DGKB: variants seen among roughly 807,000 people sequenced by gnomAD.
DGKB encodes 90 kDa diacylglycerol kinase.
In DGKB, 67 loss-of-function variants were observed where a neutral mutation model predicts 114.3. That is an observed-to-expected ratio of 0.59 (90% CI 0.48 to 0.72). DGKB has a LOEUF of 0.72. Among genes scored for constraint, DGKB ranks in the 30% least tolerant of loss-of-function variants. DGKB has a pLI of 0.00. For synonymous variants in DGKB, 398 were observed against 323.1 expected (o/e 1.23, Z -2.49); for missense variants, 907 against 975.2 (o/e 0.93, Z 0.93).
intron 20 of DGKB, among the ~76,000 whole-genome samples, chr7:14,528,593 T>C (rs1791026104): frequency 6.6e-6 from 1 of 152,066 alleles, no homozygotes; most frequent in Admixed American, 6.6e-5. Context: ...AATGTATTTG[T>C]ATTGTCGTAC....
At chr7:14,613,576 CGTGTGTA>C (rs1563680489) in intron 15 of DGKB, among the ~76,000 whole-genome samples, 163 bp from the exon 16 acceptor site, 167 of 82,646 alleles carry the variant, frequency 2.0e-3, no homozygotes, top group Middle Eastern at 7.7e-3. Flanking sequence ...CGTGTGTGTG[CGTGTGTA>C]TGTGTGTGTG....
intron 20 of DGKB, among the ~76,000 whole-genome samples, chr7:14,530,822 C>T (rs567620929): frequency 1.2e-4 from 18 of 151,592 alleles, no homozygotes; most frequent in Middle Eastern, 6.8e-3. Flanking sequence ...TTCTATAAGA[C>T]AAAGATGCTA....
At chr7:14,478,714 C>T (rs1782562261) in intron 20 of DGKB, among the ~76,000 whole-genome samples, 1 of 151,602 alleles carries the variant, frequency 6.6e-6, no homozygotes, top group Non-Finnish European at 1.5e-5. Flanking sequence ...AAGTGCAATA[C>T]TTGACTTCAG....
At chr7:14,522,045 C>T (rs1412877376) in intron 20 of DGKB, among the ~76,000 whole-genome samples, 4 of 152,046 alleles carry the variant, frequency 2.6e-5, no homozygotes, top group African/African-American at 9.7e-5. Flanking sequence ...GCTTTGCGTC[C>T]TAAGGGTGTG....
intron 21 of DGKB, among the ~76,000 whole-genome samples, chr7:14,347,598 T>C (rs1007851141): frequency 3.4e-4 from 51 of 151,762 alleles, no homozygotes; most frequent in African/African-American, 1.2e-3. Flanking sequence ...AGTACAACTG[T>C]GGTTATCAGG....
intron 20 of DGKB, among the ~76,000 whole-genome samples, chr7:14,517,706 A>G (rs1016051724): frequency 1.3e-5 from 2 of 152,182 alleles, no homozygotes; most frequent in African/African-American, 4.8e-5. Flanking sequence ...AGCATATAAA[A>G]AAGGCCCAAA....
intron 2 of DGKB, among the ~76,000 whole-genome samples, chr7:14,806,659 A>C (rs1842823640): frequency 6.6e-6 from 1 of 152,050 alleles, no homozygotes; most frequent in African/African-American, 2.4e-5. Context: ...ATTTTTCTGT[A>C]GTACCTTGTA....
intron 2 of DGKB, among the ~76,000 whole-genome samples, chr7:14,807,399 G>C (rs979357073): frequency 1.3e-5 from 2 of 152,000 alleles, no homozygotes; most frequent in East Asian, 1.9e-4. Context: ...TATTACTGTA[G>C]TTATTAAGTA....
intron 23 of DGKB, among the ~76,000 whole-genome samples, chr7:14,196,924 A>G (rs1011860753): frequency 6.6e-6 from 1 of 152,142 alleles, no homozygotes; most frequent in African/African-American, 2.4e-5. Flanking sequence ...AAGGAACTGC[A>G]CTAACACTAA....
At chr7:14,482,937 T>C (rs1481472505) in intron 20 of DGKB, among the ~76,000 whole-genome samples, 1 of 152,190 alleles carries the variant, frequency 6.6e-6, no homozygotes, top group Non-Finnish European at 1.5e-5. Flanking sequence ...GTTTTCTTCT[T>C]TATGCTGCAG....
intron 23 of DGKB, among the ~76,000 whole-genome samples, chr7:14,183,029 A>G (rs1380923414): frequency 6.6e-6 from 1 of 152,126 alleles, no homozygotes; most frequent in Non-Finnish European, 1.5e-5. Flanking sequence ...AGCATTTTGA[A>G]ATCAACATAA....
At chr7:14,648,208 A>G (rs922017373) in intron 13 of DGKB, among the ~76,000 whole-genome samples, 1 of 152,196 alleles carries the variant, frequency 6.6e-6, no homozygotes, top group African/African-American at 2.4e-5. Flanking sequence ...AGACAAACAA[A>G]AAGACAGCAG....
intron 21 of DGKB, among the ~76,000 whole-genome samples, chr7:14,376,744 T>C (rs1309817848): frequency 6.6e-6 from 1 of 152,172 alleles, no homozygotes; most frequent in Admixed American, 6.5e-5. Flanking sequence ...GAGAAGCCAT[T>C]TTATGAACAC....
chr7:14,944,593 C>T (rs1785759794), intron 1 of DGKB, among the ~76,000 whole-genome samples: 1 of 151,720 alleles, frequency 6.6e-6, no homozygotes, highest in Non-Finnish European at 1.5e-5. Flanking sequence ...CTGGAAATTT[C>T]ATCCCAGTGA....
At chr7:14,622,257 C>G (rs1282792321) in intron 14 of DGKB, among the ~76,000 whole-genome samples, 1 of 152,090 alleles carries the variant, frequency 6.6e-6, no homozygotes, top group Non-Finnish European at 1.5e-5. Flanking sequence ...ACTTCTTTCT[C>G]TGAGCTCTCT....
At chr7:14,678,114 A>G (rs60544805) in intron 12 of DGKB, among the ~76,000 whole-genome samples, 320 of 152,214 alleles carry the variant, frequency 2.1e-3, no homozygotes, top group African/African-American at 6.8e-3. Flanking sequence ...GAAATTTAAT[A>G]TTCTACTGTA....
At chr7:14,323,071 A>C (rs1345883674) in intron 23 of DGKB, among the ~76,000 whole-genome samples, 4 of 152,128 alleles carry the variant, frequency 2.6e-5, no homozygotes, top group Non-Finnish European at 5.9e-5. Context: ...AAAAATATAT[A>C]ATCTTCAATG....
chr7:14,747,775 G>GCGCGCGCGCGCGCGCGCACACACCCA, intron 4 of DGKB, among the ~76,000 whole-genome samples: 2 of 149,178 alleles, frequency 1.3e-5, no homozygotes, highest in African/African-American at 5.1e-5. Context: ...ACATCCACGC[G>GCGCGCGCGCGCGCGCGCACACACCCA]CACGCACACA....
At chr7:14,901,447 G>A (rs1317284033) in intron 1 of DGKB, among the ~76,000 whole-genome samples, 7 of 152,154 alleles carry the variant, frequency 4.6e-5, no homozygotes, top group East Asian at 1.9e-4. Flanking sequence ...GCCTATGGAC[G>A]TATCCAGATT....
Sources: allele counts gnomAD v4.1 joint callset (sites outside exome capture counted in the v4.1 genomes callset), GRCh38; gene constraint gnomAD v4.1.1; transcripts MANE v1.5; gene names NCBI Gene and HGNC (gene_info 2026-07-23, HGNC 2026-07-21).